The following DCAF8 variants were observed in gnomAD, a reference collection of about 807,000 sequenced individuals.
DCAF8 encodes DDB1- and CUL4-associated factor 8.
DCAF8 carries 20 observed loss-of-function variants against 68.0 expected under a neutral mutation model. The observed-to-expected ratio is 0.29, with a 90% CI of 0.21 to 0.43. The LOEUF is 0.43. Among genes scored for constraint, DCAF8 ranks in the 20% least tolerant of loss-of-function variants. The pLI is 1.00. For missense variants in DCAF8, 460 were observed against 771.0 expected (o/e 0.60, Z 4.78); for synonymous variants, 230 against 276.9 (o/e 0.83, Z 1.68).
chr1:160,217,305 C>A lies in DCAF8; in HGVS notation c.*287G>T. 2 of 267,326 alleles carry A rather than the reference C, an allele frequency of 7.5e-6. No individual in the cohort carries two copies. Among genetic ancestry groups the A allele is most frequent in the Non-Finnish European group, 7.0e-6 (1 of 143,284 alleles). 16.6% of individuals were successfully genotyped at this position (267,326 alleles called of 1,614,324 possible). ...CCATTCCCTATCCCAAACCAGTTAACAAAATAGGCTTCCCTCTCCTCTCAA... is the reference window on the plus strand; with the variant it reads ...CCATTCCCTATCCCAAACCAGTTAAAAAAATAGGCTTCCCTCTCCTCTCAA... On this transcript the variant is annotated 3_prime_UTR_variant, in exon 14 of 14. Transcript: ENST00000368074.
chr1:160,248,504 G>C (rs1656449983), intron 2 of DCAF8, among the ~76,000 whole-genome samples: 1 of 152,084 alleles, frequency 6.6e-6, no homozygotes, highest in Admixed American at 6.6e-5. Context: ...GGGAGGCCGA[G>C]GTGGGCAGAT....
intron 2 of DCAF8, among the ~76,000 whole-genome samples, chr1:160,252,624 T>C (rs1216518165): frequency 6.6e-6 from 1 of 152,050 alleles, no homozygotes; most frequent in Non-Finnish European, 1.5e-5. Context: ...GATAATAAGA[T>C]GGACTGAAAT....
chr1:160,240,518 C>T lies in DCAF8; in HGVS notation c.50-148G>A, dbSNP rs1656070699. The T allele has an allele frequency of 7.2e-6, 5 of 690,512 alleles. No homozygotes were observed. In the East Asian group the frequency reaches 1.3e-4, roughly 19 times the overall value. The allele number at this position is 690,512 out of a possible 1,614,324, so 42.8% of individuals were successfully genotyped here. A position where few individuals can be genotyped will look rare whatever the true frequency, so the allele number is the denominator to read the frequency against. On this transcript the variant is annotated intron_variant, in intron 3 of 13. Transcript: ENST00000368074. ...CATTACAAATAATTACAGAGAGTAC[C>T]CTCTGAGGGGAAATCTTGTAAAGGA...
In DCAF8 at chr1:160,218,327, G is replaced by A; in HGVS notation, c.1674C>T (p.His558=). ...LMHHLRQRRH[H]RRWREPGVGA... is the part of the protein sequence containing the mutation. Reference sequence around the variant, plus strand: ...TTCATTTCCAACCCTAGCTTACCCGGTGATGGCGTCTCTGTCTCAGGTGAT... The same window carrying A: ...TTCATTTCCAACCCTAGCTTACCCGATGATGGCGTCTCTGTCTCAGGTGAT... The change falls in exon 13 of 14, where the codon CAC becomes CAT. Residue 558 remains histidine, a synonymous_variant. Coordinates refer to ENST00000368074, the MANE Select transcript of DCAF8 (RefSeq NM_015726.4). 6.2e-7 allele frequency: 1 copy of A among 1,613,006 alleles called. No individual in the cohort carries two copies. Among genetic ancestry groups the A allele is most frequent in the Non-Finnish European group, 8.5e-7 (1 of 1,178,978 alleles).
At chr1:160,247,978 C>T (rs773588708) in intron 2 of DCAF8, among the ~76,000 whole-genome samples, 9 of 152,072 alleles carry the variant, frequency 5.9e-5, no homozygotes, top group Non-Finnish European at 8.8e-5. Context: ...AAAGCACATA[C>T]AAAAAAATTA....
chr1:160,228,800 T>G (rs1292105057), intron 7 of DCAF8, among the ~76,000 whole-genome samples: 1 of 152,218 alleles, frequency 6.6e-6, no homozygotes, highest in Non-Finnish European at 1.5e-5. Flanking sequence ...TGTTATGATA[T>G]ATAATATTCA....
chr1:160,262,523 G>C lies in DCAF8; in HGVS notation c.-175C>G. Reference sequence around the variant, plus strand: ...CTGCGCTGCCACGCTTTCCGGCCCCGTTTGCGACGATGTGCTCGAGAAGAC... The same window carrying C: ...CTGCGCTGCCACGCTTTCCGGCCCCCTTTGCGACGATGTGCTCGAGAAGAC... On this transcript the variant is annotated 5_prime_UTR_variant, in exon 1 of 14. Coordinates refer to ENST00000368074, the MANE Select transcript of DCAF8 (RefSeq NM_015726.4). The C allele has an allele frequency of 2.5e-6, 1 of 399,366 alleles. No homozygotes were observed. The highest frequency in any genetic ancestry group is 6.3e-4 in the Middle Eastern group (1 of 1,592). 24.7% of individuals were successfully genotyped at this position (399,366 alleles called of 1,614,324 possible).
At chr1:160,257,415 A>G (rs953576801) in intron 2 of DCAF8, among the ~76,000 whole-genome samples, 2 of 152,222 alleles carry the variant, frequency 1.3e-5, no homozygotes, top group Non-Finnish European at 2.9e-5. Flanking sequence ...AAACTTTTAT[A>G]CAGTAGAAAT....
chr1:160,232,887 A>G (rs1333900882), intron 6 of DCAF8, among the ~76,000 whole-genome samples: 1 of 152,200 alleles, frequency 6.6e-6, no homozygotes, highest in Non-Finnish European at 1.5e-5. Context: ...TTCACTGAAG[A>G]AATCCAGAAT....
At position 160,222,714 on chromosome 1, in the gene DCAF8, G is replaced by T. The variant is rs1362338450; in HGVS notation, c.1377C>A (p.Ile459=). Residue 459 remains isoleucine (I), a synonymous_variant, in exon 11 of 14, where the codon ATC becomes ATA. Transcript: ENST00000368074. ...GGCAGGATGATTTCTCCCAGAGGAA[G>T]ATGTGCCCACAGTCACTACCGCTCA... ...FVVSGSDCGH[I]FLWEKSSCQI... 3.7e-5 allele frequency: 59 copies of T among 1,614,054 alleles called. No homozygotes were observed. Among genetic ancestry groups the T allele is most frequent in the Non-Finnish European group, 4.9e-5 (58 of 1,180,036 alleles).
chr1:160,217,932 G>A, intron 13 of DCAF8: 1 of 525,564 alleles, frequency 1.9e-6, no homozygotes, highest in South Asian at 3.2e-5. Flanking sequence ...AATGGGTATG[G>A]CTGCAAGCCA....
At chr1:160,238,835 T>A in intron 4 of DCAF8, 88 bp from the exon 5 acceptor site, 1 of 1,307,884 alleles carries the variant, frequency 7.6e-7, no homozygotes. Flanking sequence ...GACCTCAACT[T>A]ACCCCCTTTT....
Position 160,224,495 on chromosome 1 carries a change from C to T in DCAF8, c.1256G>A (p.Ser419Asn), listed in dbSNP as rs376443695. ...EDIYLFNSSH[S>N]DGAQYVKRYK... ...TCTCTTAACATACTGGGCCCCATCA[C>T]TGTGAGAGGAGTTGAAGAGGTAAAT... The change falls in exon 10 of 14, where the codon AGT (serine) becomes AAT (asparagine). Residue 419 changes from serine to asparagine, a missense_variant. Ser to Asn is a conservative substitution (Grantham distance 46). Transcript: ENST00000368074. 1.8e-5 allele frequency: 29 copies of T among 1,614,038 alleles called. No individual in the cohort carries two copies. The African/African-American group carries it at 3.3e-4, about 19-fold the overall frequency.
At chr1:160,247,445 A>G (rs1656388007) in intron 2 of DCAF8, among the ~76,000 whole-genome samples, 2 of 152,228 alleles carry the variant, frequency 1.3e-5, no homozygotes, top group South Asian at 4.1e-4. Context: ...ACGCTGGATA[A>G]GAGTACTCTG....
chr1:160,259,926 T>C (rs1657008446), intron 2 of DCAF8, among the ~76,000 whole-genome samples: 1 of 152,196 alleles, frequency 6.6e-6, no homozygotes, highest in Non-Finnish European at 1.5e-5. Flanking sequence ...GGGTTTCATG[T>C]TCAGAAGACA....
chr1:160,247,932 T>C (rs1571106789), intron 2 of DCAF8, among the ~76,000 whole-genome samples: 1 of 152,218 alleles, frequency 6.6e-6, no homozygotes, highest in Non-Finnish European at 1.5e-5. Flanking sequence ...CTTTGTGACC[T>C]TGGGTTAGGC....
intron 2 of DCAF8, among the ~76,000 whole-genome samples, chr1:160,249,008 G>A (rs371314738): frequency 9.0e-4 from 137 of 152,120 alleles, no homozygotes; most frequent in South Asian, 2.1e-4. Flanking sequence ...CCTGACCAAC[G>A]TGGTAAAACC....
At chr1:160,223,339 T>A (rs758536857) in intron 10 of DCAF8, among the ~76,000 whole-genome samples, 3 of 152,160 alleles carry the variant, frequency 2.0e-5, no homozygotes, top group Non-Finnish European at 4.4e-5. Flanking sequence ...CTGGCACCCT[T>A]CCTTTATCTG....
chr1:160,249,373 C>A (rs1656488650), intron 2 of DCAF8, among the ~76,000 whole-genome samples: 1 of 152,156 alleles, frequency 6.6e-6, no homozygotes, highest in East Asian at 1.9e-4. Flanking sequence ...AGTAGAGCAA[C>A]TACAACTCAT....
Sources: allele counts gnomAD v4.1 joint callset (sites outside exome capture counted in the v4.1 genomes callset), GRCh38; gene constraint gnomAD v4.1.1; transcripts MANE v1.5; gene names NCBI Gene and HGNC (gene_info 2026-07-23, HGNC 2026-07-21).